MEGF10: variants seen among roughly 807,000 people sequenced by gnomAD.
The protein encoded by MEGF10 is multiple EGF like domains 10.
In MEGF10, 86 loss-of-function variants were observed where a neutral mutation model predicts 147.5. The observed-to-expected ratio is 0.58, with a 90% CI of 0.49 to 0.70. The LOEUF (loss-of-function observed/expected upper bound fraction) is 0.70. Ranked by LOEUF, MEGF10 falls within the 30% of genes least tolerant of loss-of-function variation. The pLI, the probability that MEGF10 is intolerant of heterozygous loss-of-function variation, is 0.00. For missense variants in MEGF10, 1,329 were observed against 1,487.3 expected, an observed-to-expected ratio of 0.89 and a Z score of 1.75; for synonymous variants, 478 against 525.5, an observed-to-expected ratio of 0.91 and a Z score of 1.24.
chr5:127,333,370 A>T (rs1338447570), intron 2 of MEGF10, among the ~76,000 whole-genome samples: 1 of 151,972 alleles, frequency 6.6e-6, no homozygotes, highest in Non-Finnish European at 1.5e-5. Context: ...ACAAAAAGCC[A>T]AGTGTGGTGG....
the MEGF10 span, among the ~76,000 whole-genome samples, chr5:127,272,985 G>A: frequency 6.6e-6 from 1 of 152,202 alleles, no homozygotes; most frequent in Non-Finnish European, 1.5e-5. Context: ...TCCAAAATAG[G>A]GGTGGTGAGA....
In MEGF10 at chr5:127,438,304, G is replaced by C. The variant is rs977304769; in HGVS notation, c.2105-135G>C. The C allele has an allele frequency of 6.5e-6, 6 of 917,394 alleles. No individual in the cohort carries two copies. In the African/African-American group the frequency reaches 6.6e-5, roughly 10 times the overall value. 56.8% of individuals were successfully genotyped at this position (917,394 alleles called of 1,614,324 possible). A position where few individuals can be genotyped will look rare whatever the true frequency, so the allele number is the denominator to read the frequency against. On this transcript the variant is annotated intron_variant, in intron 16 of 24. Transcript: ENST00000503335. ...TCTGGGATTTAGTGCAGAATTCAGA[G>C]CAGTGTGCTTTCTTAGTCCTGATGT...
chr5:127,305,657 G>GAA (rs1226801861), intron 1 of MEGF10, among the ~76,000 whole-genome samples: 1 of 152,114 alleles, frequency 6.6e-6, no homozygotes, highest in Non-Finnish European at 1.5e-5. Flanking sequence ...TTGTGATGTG[G>GAA]AGCTCTGCCA....
At chr5:127,307,781 A>G (rs1295612961) in intron 1 of MEGF10, among the ~76,000 whole-genome samples, 1 of 152,218 alleles carries the variant, frequency 6.6e-6, no homozygotes, top group Non-Finnish European at 1.5e-5. Context: ...ACAAATTTAA[A>G]AAAAGGAAAT....
At chr5:127,356,512 C>T (rs918413801) in intron 4 of MEGF10, among the ~76,000 whole-genome samples, 16 of 152,266 alleles carry the variant, frequency 1.1e-4, no homozygotes, top group East Asian at 3.9e-4. Flanking sequence ...CCTCCCTGAC[C>T]GGCTGGCCAC....
intron 13 of MEGF10, among the ~76,000 whole-genome samples, chr5:127,422,974 G>A (rs1765075772): frequency 6.6e-6 from 1 of 152,162 alleles, no homozygotes; most frequent in Non-Finnish European, 1.5e-5. Context: ...GTTCTCTTGA[G>A]CTACAAGTAA....
chr5:127,270,301 A>G, the MEGF10 span, among the ~76,000 whole-genome samples: 13 of 152,206 alleles, frequency 8.5e-5, no homozygotes, highest in African/African-American at 2.9e-4. Flanking sequence ...TTGGATAAAG[A>G]GTCAAGACCC....
At chr5:127,433,196 A>G (rs1336423132) in intron 13 of MEGF10, among the ~76,000 whole-genome samples, 167 bp from the exon 14 acceptor site, 1 of 152,204 alleles carries the variant, frequency 6.6e-6, no homozygotes, top group African/African-American at 2.4e-5. Context: ...TATTATTTTA[A>G]TGTTATGATA....
At position 127,458,489 on chromosome 5, in the gene MEGF10, G is replaced by C. The variant is rs569906889; in HGVS notation, c.*1171G>C. ...CATATTCTATGTTTTGTAGTGTTTGGATTGTTAATGAAAAAATATTATATG... is the reference window on the plus strand; with the variant it reads ...CATATTCTATGTTTTGTAGTGTTTGCATTGTTAATGAAAAAATATTATATG... On this transcript the variant is annotated 3_prime_UTR_variant, in exon 25 of 25. Transcript: ENST00000503335. 19 of 152,094 alleles carry C rather than the reference G, an allele frequency of 1.2e-4. No homozygotes were observed. Among genetic ancestry groups the C allele is most frequent in the African/African-American group, 4.6e-4 (19 of 41,530 alleles). The allele number at this position is 152,094 out of a possible 1,614,324, so 9.4% of individuals were successfully genotyped here. A position where few individuals can be genotyped will look rare whatever the true frequency, so the allele number is the denominator to read the frequency against.
Position 127,343,768 on chromosome 5 carries a change from T to C in MEGF10, c.319+3138T>C, listed in dbSNP as rs371031132. ...GCATTCGAGACCAGCATGGGCAACA[T>C]AGGGAGACCCCGTCTCTTAAAAAAA... On this transcript the variant is annotated intron_variant, in intron 4 of 24. Transcript: ENST00000503335. Among the ~76,000 whole-genome samples the C allele has an allele frequency of 2.4e-4, 37 of 151,576 alleles. 2 individuals are homozygous for C. In the South Asian group the frequency reaches 7.2e-3, roughly 29 times the overall value.
At chr5:127,292,769 A>G (rs1319303293) in intron 1 of MEGF10, among the ~76,000 whole-genome samples, 1 of 152,146 alleles carries the variant, frequency 6.6e-6, no homozygotes, top group Non-Finnish European at 1.5e-5. Flanking sequence ...ACATTAATAT[A>G]CTTTCTTTAA....
intron 5 of MEGF10, among the ~76,000 whole-genome samples, chr5:127,390,385 G>A (rs1326913946): frequency 6.6e-6 from 1 of 152,056 alleles, no homozygotes; most frequent in Non-Finnish European, 1.5e-5. Context: ...AACCTCCTGG[G>A]CTCAAGTGAT....
chr5:127,329,402 G>A (rs1248962550), intron 1 of MEGF10, among the ~76,000 whole-genome samples: 1 of 151,910 alleles, frequency 6.6e-6, no homozygotes, highest in African/African-American at 2.4e-5. Context: ...TGTTGAGTCA[G>A]CAATAGGTAA....
In MEGF10 at chr5:127,410,463, A is replaced by C; in HGVS notation, c.992A>C (p.Lys331Thr). The C allele has an allele frequency of 6.2e-7, 1 of 1,614,198 alleles. No homozygotes were observed. Among genetic ancestry groups the C allele is most frequent in the South Asian group, 1.1e-5 (1 of 91,090 alleles). The change falls in exon 9 of 25, where the codon AAG becomes ACG. Residue 331 changes from lysine (K) to threonine (T), a missense_variant. This residue lies in a region of MEGF10 where 980 missense variants were observed against 1,085.9 expected (regional missense o/e 0.90). Coordinates refer to ENST00000503335, the MANE Select transcript of MEGF10 (RefSeq NM_001256545.2). The stretch of plus-strand genomic sequence containing the variant: ...ACCTGCCAGTGTGTCAACGGAGGGA[A>C]GTGTTACCACGTGAGCGGCGCATGC... ...AETCQCVNGG[K>T]CYHVSGACLC...
At chr5:127,415,923 A>G (rs574887874) in intron 9 of MEGF10, among the ~76,000 whole-genome samples, 100 of 151,136 alleles carry the variant, frequency 6.6e-4, no homozygotes, top group African/African-American at 2.3e-3. Context: ...AAAAAGAATA[A>G]CTTCTAGATA....
At chr5:127,320,750 G>A (rs1228309571) in intron 1 of MEGF10, among the ~76,000 whole-genome samples, 2 of 152,190 alleles carry the variant, frequency 1.3e-5, no homozygotes, top group Non-Finnish European at 2.9e-5. Flanking sequence ...CTTTGACAAT[G>A]TGGGCTTAAA....
At chr5:127,354,858 G>A (rs1476110215) in intron 4 of MEGF10, among the ~76,000 whole-genome samples, 2 of 152,276 alleles carry the variant, frequency 1.3e-5, no homozygotes, top group East Asian at 3.9e-4. Flanking sequence ...ATTTTCAATG[G>A]CTATGTTTTG....
chr5:127,441,133 T>C (rs1166436199), intron 18 of MEGF10, among the ~76,000 whole-genome samples: 1 of 152,208 alleles, frequency 6.6e-6, no homozygotes, highest in African/African-American at 2.4e-5. Context: ...TTTTGGGCTC[T>C]CCCTTCCTCT....
chr5:127,292,822 T>C (rs769740456), intron 1 of MEGF10, among the ~76,000 whole-genome samples: 6 of 152,202 alleles, frequency 3.9e-5, no homozygotes, highest in Non-Finnish European at 8.8e-5. Flanking sequence ...AAGTATTTAT[T>C]AACCATCTAT....
Sources: gnomAD v4.1 joint callset for allele counts (sites outside exome capture counted in the v4.1 genomes callset) on GRCh38, gnomAD v4.1.1 for gene constraint, gnomAD v4.1.1 regional missense constraint, MANE v1.5 for transcripts, NCBI Gene and HGNC (gene_info 2026-07-23, HGNC 2026-07-21) for gene names.